PTPRK: variants seen among roughly 807,000 people sequenced by gnomAD.
PTPRK encodes the protein protein tyrosine phosphatase receptor type K.
In PTPRK, 75 loss-of-function variants were observed where a neutral mutation model predicts 178.0. The observed-to-expected ratio is 0.42, with a 90% CI of 0.35 to 0.51. The LOEUF is 0.51. Ranked by LOEUF, PTPRK falls within the 20% of genes least tolerant of loss-of-function variation. The pLI is 0.02. For synonymous variants in PTPRK, 637 were observed against 620.6 expected (o/e 1.03, Z -0.39); for missense variants, 1,441 against 1,797.8 (o/e 0.80, Z 3.59).
chr6:128,320,682 C>T (rs1418472934), intron 3 of PTPRK, among the ~76,000 whole-genome samples: 2 of 152,200 alleles, frequency 1.3e-5, no homozygotes, highest in East Asian at 3.9e-4. Flanking sequence ...GAAATCAGTA[C>T]AATGATAATG....
intron 7 of PTPRK, among the ~76,000 whole-genome samples, chr6:128,131,530 A>G (rs925796232): frequency 1.8e-4 from 28 of 152,306 alleles, no homozygotes; most frequent in African/African-American, 6.5e-4. Context: ...TTCTGTTTCC[A>G]GGCATCTGAG....
At chr6:128,206,084 C>T (rs1318608309) in intron 6 of PTPRK, among the ~76,000 whole-genome samples, 3 of 151,878 alleles carry the variant, frequency 2.0e-5, no homozygotes, top group African/African-American at 7.2e-5. Context: ...TTACATATGG[C>T]ACTATAACCC....
Position 128,089,817 on chromosome 6 carries a change from G to A in PTPRK, c.1338C>T (p.Asp446=). ...TCACAACATGCTGAGGGGCTTTGGG[G>A]TCCATGTCCAAACAGTCTGCCTTGC... ...NESKADCLDM[D]PKAPQHVVNH... The change falls in exon 8 of 30, where the codon GAC becomes GAT. Residue 446 remains aspartate (D), a synonymous_variant. Transcript: ENST00000368226. 1.2e-6 allele frequency: 2 copies of A among 1,614,010 alleles called. No individual in the cohort carries two copies. Among genetic ancestry groups the A allele is most frequent in the Non-Finnish European group, 1.7e-6 (2 of 1,179,906 alleles).
chr6:128,054,314 T>A (rs557926515), intron 13 of PTPRK, among the ~76,000 whole-genome samples: 8 of 152,242 alleles, frequency 5.3e-5, no homozygotes, highest in African/African-American at 1.4e-4. Flanking sequence ...ACTTCCTCCA[T>A]AAAATTCTTC....
intron 1 of PTPRK, among the ~76,000 whole-genome samples, chr6:128,436,440 TA>T (rs553181941): frequency 4.3e-4 from 66 of 152,348 alleles, no homozygotes; most frequent in Non-Finnish European, 8.5e-4. Flanking sequence ...TCGCTTACTT[TA>T]GAAATTGGTG....
intron 3 of PTPRK, among the ~76,000 whole-genome samples, chr6:128,252,046 G>C (rs780824349): frequency 1.1e-4 from 17 of 152,166 alleles, no homozygotes; most frequent in Non-Finnish European, 1.8e-4. Flanking sequence ...GCACATGGCA[G>C]TGTCCAGGTA....
intron 16 of PTPRK, 128 bp from the exon 17 acceptor site, chr6:127,997,116 A>G: frequency 1.1e-6 from 1 of 895,818 alleles, no homozygotes; most frequent in Non-Finnish European, 1.7e-6. Flanking sequence ...AGTAGTAAAC[A>G]AGTTTCATTC....
chr6:128,242,803 T>C (rs1366830039), intron 3 of PTPRK, among the ~76,000 whole-genome samples: 1 of 152,210 alleles, frequency 6.6e-6, no homozygotes, highest in Non-Finnish European at 1.5e-5. Flanking sequence ...AAAATTACGT[T>C]ACAGAGGTTA....
chr6:128,300,132 C>G (rs1187385181), intron 3 of PTPRK, among the ~76,000 whole-genome samples: 1 of 152,172 alleles, frequency 6.6e-6, no homozygotes, highest in Non-Finnish European at 1.5e-5. Flanking sequence ...TGCTCACCAT[C>G]ACGGGCCAAC....
intron 13 of PTPRK, among the ~76,000 whole-genome samples, chr6:128,038,971 T>A (rs1582657534): frequency 6.6e-6 from 1 of 152,132 alleles, no homozygotes; most frequent in African/African-American, 2.4e-5. Flanking sequence ...CACTAATTAG[T>A]AGTGATAAGG....
chr6:128,352,042 G>A lies in PTPRK; in HGVS notation c.224-29732C>T, dbSNP rs149992984. ...GAGGCTAAGGCAGGTGGATCACGAGGTCAGGAGTTCGAGACCAGCCTGGCC... is the reference window on the plus strand; with the variant it reads ...GAGGCTAAGGCAGGTGGATCACGAGATCAGGAGTTCGAGACCAGCCTGGCC... On this transcript the variant is annotated intron_variant, in intron 2 of 29. Coordinates refer to ENST00000368226, the MANE Select transcript of PTPRK (RefSeq NM_002844.4). Among the ~76,000 whole-genome samples, 1,015 of 151,984 alleles carry A rather than the reference G, an allele frequency of 6.7e-3. 10 individuals are homozygous for A. The highest frequency in any genetic ancestry group is 0.024 in the African/African-American group (980 of 41,422).
At chr6:128,061,296 AC>A (rs1028825110) in intron 13 of PTPRK, among the ~76,000 whole-genome samples, 1 of 152,170 alleles carries the variant, frequency 6.6e-6, no homozygotes, top group African/African-American at 2.4e-5. Context: ...GTCCCAGACT[AC>A]ATTTGGAATG....
At chr6:128,093,666 A>C (rs28619906) in intron 7 of PTPRK, among the ~76,000 whole-genome samples, 1 of 150,686 alleles carries the variant, frequency 6.6e-6, no homozygotes, top group African/African-American at 2.4e-5. Flanking sequence ...ACAAAAAAGG[A>C]AAAAAGAAAC....
intron 2 of PTPRK, among the ~76,000 whole-genome samples, chr6:128,327,851 G>A (rs1239859394): frequency 6.6e-6 from 1 of 151,768 alleles, no homozygotes; most frequent in African/African-American, 2.4e-5. Context: ...AGGGGAGGTT[G>A]CTGAGAATCA....
chr6:128,132,014 A>G (rs1436202644), intron 7 of PTPRK, among the ~76,000 whole-genome samples: 1 of 152,180 alleles, frequency 6.6e-6, no homozygotes, highest in East Asian at 1.9e-4. Context: ...ATTTTTTGAG[A>G]CAAATAATTA....
At chr6:128,207,865 C>T (rs1438007041) in intron 6 of PTPRK, among the ~76,000 whole-genome samples, 3 of 152,076 alleles carry the variant, frequency 2.0e-5, no homozygotes, top group East Asian at 3.9e-4. Context: ...ACCGGTAACA[C>T]AGTGGTTGGT....
chr6:128,159,481 T>A (rs1798378576), intron 7 of PTPRK, among the ~76,000 whole-genome samples: 1 of 151,864 alleles, frequency 6.6e-6, no homozygotes, highest in Admixed American at 6.6e-5. Context: ...TAAAGCTGAA[T>A]ATGTTCCATT....
intron 3 of PTPRK, among the ~76,000 whole-genome samples, chr6:128,271,658 C>T (rs146056034): frequency 7.0e-4 from 107 of 152,174 alleles, no homozygotes; most frequent in African/African-American, 2.5e-3. Flanking sequence ...AAAGCATTCA[C>T]AAAACCCTAG....
rs78468332 is a variant in PTPRK, at chr6:128,100,188, T to C, written c.1163-10196A>G. On this transcript the variant is annotated intron_variant, in intron 7 of 29. Coordinates refer to ENST00000368226, the MANE Select transcript of PTPRK (RefSeq NM_002844.4). The stretch of plus-strand genomic sequence containing the variant: ...ATTAATACAGGCGACTTGCAAGGAT[T>C]AATTGCTTCAGCTCATTTGTAAATT... Among the ~76,000 whole-genome samples the C allele has an allele frequency of 2.6e-3, 397 of 152,144 alleles. 1 individual carries two copies. Among genetic ancestry groups the C allele is most frequent in the African/African-American group, 9.2e-3 (384 of 41,562 alleles).
Sources: gnomAD v4.1 joint callset for allele counts (sites outside exome capture counted in the v4.1 genomes callset) on GRCh38, gnomAD v4.1.1 for gene constraint, MANE v1.5 for transcripts, NCBI Gene and HGNC (gene_info 2026-07-23, HGNC 2026-07-21) for gene names.